Variants in ADAMTSL1 observed in about 807,000 individuals in gnomAD.
ADAMTSL1 encodes the protein ADAMTS-like protein 1.
ADAMTSL1 carries 126 observed loss-of-function variants against 201.8 expected under a neutral mutation model. That is an observed-to-expected ratio of 0.62 (90% confidence interval 0.54 to 0.72). The LOEUF is 0.72. Among genes scored for constraint, ADAMTSL1 ranks in the 30% least tolerant of loss-of-function variants. The pLI is 0.00. For synonymous variants in ADAMTSL1, 1,121 were observed against 903.4 expected, an observed-to-expected ratio of 1.24 and a Z score of -4.32; for missense variants, 2,679 against 2,277.8, an observed-to-expected ratio of 1.18 and a Z score of -3.59.
intron 21 of ADAMTSL1, among the ~76,000 whole-genome samples, chr9:18,821,429 G>A (rs968783037): frequency 3.3e-5 from 5 of 152,070 alleles, no homozygotes; most frequent in Admixed American, 1.3e-4. Flanking sequence ...AACAGAATAC[G>A]GAGGATGGTT....
At chr9:18,253,638 C>G (rs546744497) in intron 2 of ADAMTSL1, among the ~76,000 whole-genome samples, 116 of 152,240 alleles carry the variant, frequency 7.6e-4, no homozygotes, top group African/African-American at 2.7e-3. Context: ...GAAAATGCTT[C>G]TTTCTAGAAG....
intron 2 of ADAMTSL1, among the ~76,000 whole-genome samples, chr9:18,453,306 C>A (rs898959937): frequency 1.3e-5 from 2 of 152,040 alleles, no homozygotes; most frequent in Non-Finnish European, 2.9e-5. Flanking sequence ...CTGGTCTCTC[C>A]AAACCATTCT....
chr9:18,808,991 A>T (rs1015064273), intron 20 of ADAMTSL1, among the ~76,000 whole-genome samples: 4 of 56,746 alleles, frequency 7.0e-5, no homozygotes, highest in Non-Finnish European at 1.6e-4. Flanking sequence ...ATAAACACAT[A>T]TTTTCACTTA....
chr9:18,051,117 T>C lies in ADAMTSL1; in HGVS notation c.88-112745T>C, dbSNP rs376436141. The stretch of plus-strand genomic sequence containing the variant: ...GAGATGGAGACCATCCTGGCTAACA[T>C]AGTGAAACCCCATCTCTACTAAAAA... On this transcript the variant is annotated intron_variant, in intron 1 of 29. Coordinates refer to the ADAMTSL1 transcript ENST00000680146. 2.1e-3 allele frequency among the ~76,000 whole-genome samples: 320 copies of C among 152,172 alleles called. 6 individuals carry two copies. The South Asian group carries it at 0.049, about 23-fold the overall frequency.
chr9:18,176,255 C>G (rs144403372), intron 2 of ADAMTSL1, among the ~76,000 whole-genome samples: 316 of 152,078 alleles, frequency 2.1e-3, no homozygotes, highest in African/African-American at 7.4e-3. Context: ...ATGTTTGACA[C>G]TACTTTGTTT....
chr9:18,866,805 G>A (rs1410935950), intron 23 of ADAMTSL1, among the ~76,000 whole-genome samples: 2 of 152,224 alleles, frequency 1.3e-5, no homozygotes, highest in Non-Finnish European at 2.9e-5. Flanking sequence ...AGAGGAAGAT[G>A]TTCCATGCCT....
intron 2 of ADAMTSL1, among the ~76,000 whole-genome samples, chr9:18,276,742 A>C (rs891764291): frequency 2.6e-5 from 4 of 152,192 alleles, no homozygotes; most frequent in African/African-American, 9.7e-5. Flanking sequence ...AGAGGTGCCA[A>C]GTTATTTTAA....
chr9:18,656,397 C>T (rs945227382), intron 7 of ADAMTSL1, among the ~76,000 whole-genome samples: 3 of 151,876 alleles, frequency 2.0e-5, no homozygotes, highest in Non-Finnish European at 2.9e-5. Context: ...TTTGGGAGGC[C>T]GAGGCGGGCA....
intron 7 of ADAMTSL1, among the ~76,000 whole-genome samples, chr9:18,646,277 A>G (rs919353156): frequency 5.3e-5 from 8 of 152,160 alleles, no homozygotes; most frequent in African/African-American, 1.9e-4. Context: ...TATCAGCTTA[A>G]GGAGATTTTG....
chr9:18,286,867 A>G (rs1052807404), intron 2 of ADAMTSL1, among the ~76,000 whole-genome samples: 1 of 152,216 alleles, frequency 6.6e-6, no homozygotes, highest in African/African-American at 2.4e-5. Flanking sequence ...ATTTTCCTTC[A>G]ATCTCCCTTA....
chr9:18,078,869 C>T (rs1265911051), intron 1 of ADAMTSL1, among the ~76,000 whole-genome samples: 1 of 152,202 alleles, frequency 6.6e-6, no homozygotes, highest in Admixed American at 6.5e-5. Context: ...TGGCCCATCT[C>T]TGGCATCAAG....
chr9:18,680,845 G>A (rs1830431868), intron 11 of ADAMTSL1: 1 of 340,062 alleles, frequency 2.9e-6, no homozygotes, highest in Non-Finnish European at 5.6e-6. Context: ...CTGCTTTGAT[G>A]ATAGAGCTCA....
At chr9:18,022,770 AACATGT>A (rs1424698360) in intron 1 of ADAMTSL1, among the ~76,000 whole-genome samples, 3 of 152,180 alleles carry the variant, frequency 2.0e-5, no homozygotes, top group African/African-American at 7.2e-5. Flanking sequence ...TCCTATTGTG[AACATGT>A]ACAAGAATTC....
At chr9:18,412,289 A>G (rs896908711) in intron 2 of ADAMTSL1, among the ~76,000 whole-genome samples, 2 of 152,202 alleles carry the variant, frequency 1.3e-5, no homozygotes, top group Non-Finnish European at 2.9e-5. Context: ...TGATTGTCCA[A>G]CACTGGTGAT....
intron 19 of ADAMTSL1, 135 bp downstream of exon 19, chr9:18,778,041 G>C: frequency 9.0e-7 from 1 of 1,108,718 alleles, no homozygotes; most frequent in Non-Finnish European, 1.3e-6. Flanking sequence ...CCATCATGGG[G>C]TGCAGGCCCT....
Position 18,413,209 on chromosome 9 carries a change from C to CGCAATCTTGGCTTGCT in ADAMTSL1, c.208-91599_208-91584dup, listed in dbSNP as rs72088473. On this transcript the variant is annotated intron_variant, in intron 2 of 29. Transcript: ENST00000680146. ...TATTGCCCAGTCTGAAGTGCAGTGG[C>CGCAATCTTGGCTTGCT]GCAATCTTGGCTTGCTGCAATCTTG... Among the ~76,000 whole-genome samples the CGCAATCTTGGCTTGCT allele has an allele frequency of 3.7e-3, 543 of 148,336 alleles. 7 individuals are homozygous for CGCAATCTTGGCTTGCT. Among genetic ancestry groups the CGCAATCTTGGCTTGCT allele is most frequent in the Admixed American group, 0.018 (259 of 14,794 alleles).
At chr9:18,247,749 CAG>C (rs1414773014) in intron 2 of ADAMTSL1, among the ~76,000 whole-genome samples, 12 of 151,758 alleles carry the variant, frequency 7.9e-5, no homozygotes, top group African/African-American at 2.9e-4. Flanking sequence ...TGTGGCTAGA[CAG>C]AGGGAGAGGC....
intron 1 of ADAMTSL1, among the ~76,000 whole-genome samples, chr9:18,053,396 T>G (rs1822027534): frequency 6.6e-6 from 1 of 152,204 alleles, no homozygotes; most frequent in African/African-American, 2.4e-5. Context: ...TGTTCATACT[T>G]TTTCACAGTA....
At chr9:18,708,068 T>C (rs1832333336) in intron 14 of ADAMTSL1, among the ~76,000 whole-genome samples, 1 of 152,208 alleles carries the variant, frequency 6.6e-6, no homozygotes, top group Non-Finnish European at 1.5e-5. Context: ...TTTGAGCATG[T>C]TGAGATTCTG....
Sources: gnomAD v4.1 joint callset for allele counts (sites outside exome capture counted in the v4.1 genomes callset) on GRCh38, gnomAD v4.1.1 for gene constraint, MANE v1.5 for transcripts, NCBI Gene and HGNC (gene_info 2026-07-23, HGNC 2026-07-21) for gene names.